The following FBXO7 variants were observed in gnomAD, a reference collection of about 807,000 sequenced individuals.
The protein encoded by FBXO7 is F-box protein 7.
FBXO7 carries 31 observed loss-of-function variants against 50.2 expected under a neutral mutation model. The ratio of observed to expected loss-of-function variants is 0.62; its 90% CI spans 0.46 to 0.83. The LOEUF is 0.83. FBXO7 is among the 40% of genes least tolerant of loss of function. The pLI is 0.00. For synonymous variants in FBXO7, 256 were observed against 253.1 expected (o/e 1.01, Z -0.11); for missense variants, 667 against 646.6 (o/e 1.03, Z -0.34).
chr22:32,486,235 GT>G (rs11454552), intron 4 of FBXO7, among the ~76,000 whole-genome samples: 2,016 of 148,984 alleles, frequency 0.014, 52 homozygotes, highest in African/African-American at 0.045. Context: ...AAAAATGTTG[GT>G]TTTTTTTTTT....
At chr22:32,478,832 AGACCAGCCTG>A (rs2057444725) in intron 1 of FBXO7, 139 bp from the exon 2 acceptor site, 1 of 798,012 alleles carries the variant, frequency 1.3e-6, no homozygotes, top group Non-Finnish European at 2.1e-6. Flanking sequence ...CAGGAGCTTG[AGACCAGCCTG>A]GACAACATAG....
At chr22:32,496,042 C>T (rs370534590) in intron 8 of FBXO7, among the ~76,000 whole-genome samples, 5 of 152,148 alleles carry the variant, frequency 3.3e-5, no homozygotes, top group African/African-American at 4.8e-5. Context: ...TGGAAGAAGA[C>T]GCCATCTATT....
At chr22:32,495,275 A>G (rs2057565487) in intron 7 of FBXO7, among the ~76,000 whole-genome samples, 1 of 152,230 alleles carries the variant, frequency 6.6e-6, no homozygotes, top group Admixed American at 6.5e-5. Flanking sequence ...ACCATGTAGC[A>G]CAGAGCAGCA....
rs1555884621 is a variant in FBXO7, at chr22:32,495,381, T to TC, written c.1145-112_1145-111insC. 2,911 of 607,680 alleles carry TC rather than the reference T, an allele frequency of 4.8e-3. 8 individuals are homozygous for TC. Among genetic ancestry groups the TC allele is most frequent in the East Asian group, 0.012 (376 of 32,020 alleles). 37.6% of individuals were successfully genotyped at this position (607,680 alleles called of 1,614,324 possible). On this transcript the variant is annotated intron_variant, in intron 7 of 8. Coordinates refer to ENST00000266087, the MANE Select transcript of FBXO7 (RefSeq NM_012179.4). ...TATAAATGGTTAGTTTTTTTTTTTTTTTATGCTTAACGGGTAAGTTTCACT... is the reference window on the plus strand; with the variant it reads ...TATAAATGGTTAGTTTTTTTTTTTTTCTTATGCTTAACGGGTAAGTTTCACT...
At chr22:32,478,488 C>A (rs1211244737) in intron 1 of FBXO7, among the ~76,000 whole-genome samples, 1 of 152,102 alleles carries the variant, frequency 6.6e-6, no homozygotes, top group Non-Finnish European at 1.5e-5. Context: ...GTATCCCGTC[C>A]CCCAGGTGGA....
At chr22:32,475,180 G>T in intron 1 of FBXO7, 56 bp downstream of exon 1, 3 of 1,522,566 alleles carry the variant, frequency 2.0e-6, no homozygotes, top group East Asian at 2.5e-5. Flanking sequence ...CTTGGGGTGG[G>T]TGCAGGGCGG....
Position 32,479,101 on chromosome 22 carries a change from C to A in FBXO7, c.243C>A (p.Asp81Glu). Reference sequence around the variant, plus strand: ...TGATATGTTTGATTCTTCAAGATGACATTCCAGCGCCTAATATACCTTCAT... The same window carrying A: ...TGATATGTTTGATTCTTCAAGATGAAATTCCAGCGCCTAATATACCTTCAT... ...GDLICLILQD[D>E]IPAPNIPSST... Residue 81 changes from aspartate to glutamate, a missense_variant, in exon 2 of 9, where the codon GAC (aspartate) becomes GAA (glutamate). Coordinates refer to ENST00000266087, the MANE Select transcript of FBXO7 (RefSeq NM_012179.4). The A allele has an allele frequency of 6.2e-7, 1 of 1,614,184 alleles. No individual in the cohort carries two copies. The highest frequency in any genetic ancestry group is 8.5e-7 in the Non-Finnish European group (1 of 1,180,040).
intron 8 of FBXO7, among the ~76,000 whole-genome samples, chr22:32,497,379 G>T (rs979598362): frequency 3.3e-5 from 5 of 152,102 alleles, no homozygotes; most frequent in African/African-American, 1.2e-4. Flanking sequence ...CATAGGTTAG[G>T]TCTCACAAGA....
chr22:32,485,342 A>G, intron 4 of FBXO7, 133 bp downstream of exon 4: 1 of 1,145,780 alleles, frequency 8.7e-7, no homozygotes, highest in Non-Finnish European at 1.3e-6. Flanking sequence ...TTTAATTCCT[A>G]GGCCACTGAT....
chr22:32,493,177 T>G lies in FBXO7; in HGVS notation c.1040T>G (p.Leu347Arg). 6.2e-7 allele frequency: 1 copy of G among 1,614,228 alleles called. No individual in the cohort carries two copies. The highest frequency in any genetic ancestry group is 8.5e-7 in the Non-Finnish European group (1 of 1,180,020). The change falls in exon 7 of 9, where the codon CTG becomes CGG. Residue 347 changes from leucine (L) to arginine (R), a missense_variant. Transcript: ENST00000266087. ...LELKLRIFRL[L>R]DVRSVLSLSA... ...CTGAAACTACGGATCTTCCGACTTC[T>G]GGATGTTCGTTCCGTCTTGTCTTTG...
intron 5 of FBXO7, chr22:32,489,503 C>T (rs981487093): frequency 8.5e-5 from 13 of 152,154 alleles, no homozygotes; most frequent in Non-Finnish European, 1.3e-4. Flanking sequence ...GTTTTATGCC[C>T]ATTTTATAGA....
At chr22:32,495,116 T>C (rs1239356750) in intron 7 of FBXO7, among the ~76,000 whole-genome samples, 1 of 152,136 alleles carries the variant, frequency 6.6e-6, no homozygotes, top group Non-Finnish European at 1.5e-5. Flanking sequence ...TGTTGCCCAG[T>C]TTGGTGTAAC....
At chr22:32,476,887 C>T (rs1005904376) in intron 1 of FBXO7, among the ~76,000 whole-genome samples, 1 of 152,150 alleles carries the variant, frequency 6.6e-6, no homozygotes, top group Non-Finnish European at 1.5e-5. Context: ...TTAGAAATAG[C>T]TTTTCCCTTT....
intron 2 of FBXO7, 94 bp downstream of exon 2, chr22:32,479,369 C>T (rs549772567): frequency 9.5e-5 from 105 of 1,104,386 alleles, no homozygotes; most frequent in Middle Eastern, 2.0e-4. Flanking sequence ...TAATTATCAT[C>T]GATAGATTGC....
Position 32,487,815 on chromosome 22 carries a change from CAA to C in FBXO7, c.860_861del (p.Lys287ArgfsTer22). 6.3e-7 allele frequency: 1 copy of C among 1,594,112 alleles called. No homozygotes were observed. The highest frequency in any genetic ancestry group is 8.6e-7 in the Non-Finnish European group (1 of 1,162,636). Reference protein sequence around the residue: ...LQLLPESFICKEKLGENVANI... With the variant: ...LQLLPESFICXEKLGENVANI... ...AGCTGCTACCAGAATCTTTTATTTG[CAA>C]AGAGAAACTAGGTAATACAAACATT... is the stretch of plus-strand genomic sequence containing the variant. On this transcript the variant is annotated frameshift_variant, in exon 5 of 9. Transcript: ENST00000266087. LOFTEE classifies it high-confidence loss of function.
chr22:32,476,035 C>T (rs1046294880), intron 1 of FBXO7: 2 of 152,088 alleles, frequency 1.3e-5, no homozygotes, highest in African/African-American at 2.4e-5. Flanking sequence ...AAAAGATGTT[C>T]CCTGGGGATT....
chr22:32,495,733 T>G (rs1419997820), intron 8 of FBXO7, among the ~76,000 whole-genome samples: 2 of 152,202 alleles, frequency 1.3e-5, no homozygotes, highest in Non-Finnish European at 2.9e-5. Flanking sequence ...ATGTTATCAT[T>G]GTGTTATTTT....
At chr22:32,476,953 GCAAA>G (rs1431028354) in intron 1 of FBXO7, among the ~76,000 whole-genome samples, 2 of 152,186 alleles carry the variant, frequency 1.3e-5, no homozygotes, top group East Asian at 1.9e-4. Flanking sequence ...GACCTTTTCT[GCAAA>G]CAGATACTTG....
Position 32,479,249 on chromosome 22 carries a change from T to A in FBXO7, c.391T>A (p.Ser131Thr), listed in dbSNP as rs2057448588. ...TTCATTCCAAGGACAGGCAGCCCAGTCTGGTGTTTGGAATGACGACAGTAT... is the reference window on the plus strand; with the variant it reads ...TTCATTCCAAGGACAGGCAGCCCAGACTGGTGTTTGGAATGACGACAGTAT... ...SDSFQGQAAQ[S>T]GVWNDDSMLG... Residue 131 changes from serine (S) to threonine (T), a missense_variant, in exon 2 of 9, where the codon TCT (serine) becomes ACT (threonine). Coordinates refer to ENST00000266087, the MANE Select transcript of FBXO7 (RefSeq NM_012179.4). 3 of 1,614,156 alleles carry A rather than the reference T, an allele frequency of 1.9e-6. No homozygotes were observed. The highest frequency in any genetic ancestry group is 2.5e-6 in the Non-Finnish European group (3 of 1,180,018).
Sources: allele counts gnomAD v4.1 joint callset (sites outside exome capture counted in the v4.1 genomes callset), GRCh38; gene constraint gnomAD v4.1.1; transcripts MANE v1.5; gene names NCBI Gene and HGNC (gene_info 2026-07-23, HGNC 2026-07-21).